METTL16: variants seen among roughly 807,000 people sequenced by gnomAD.
METTL16 encodes methyltransferase 16, RNA N6-adenosine.
A neutral mutation model predicts 57.9 loss-of-function variants in METTL16; 19 were observed. The observed-to-expected ratio is 0.33, with a 90% confidence interval of 0.23 to 0.48. METTL16 has a LOEUF of 0.48. Ranked by LOEUF, METTL16 falls within the 20% of genes least tolerant of loss-of-function variation. The pLI, the probability that METTL16 is intolerant of heterozygous loss-of-function variation, is 0.99. For synonymous variants in METTL16, 246 were observed against 255.6 expected (o/e 0.96, Z 0.36); for missense variants, 434 against 691.5 (o/e 0.63, Z 4.18).
intron 2 of METTL16, among the ~76,000 whole-genome samples, chr17:2,492,851 A>T (rs1386418032): frequency 2.6e-4 from 38 of 144,934 alleles, no homozygotes; most frequent in African/African-American, 9.4e-4. Flanking sequence ...TGAGCCAAGA[A>T]CACGCCACTG....
chr17:2,428,415 T>C (rs1020359979), intron 8 of METTL16, among the ~76,000 whole-genome samples: 3 of 150,208 alleles, frequency 2.0e-5, no homozygotes, highest in Non-Finnish European at 4.4e-5. Flanking sequence ...TCAGTAGAGA[T>C]AGTAAGTGTA....
At chr17:2,429,050 G>C (rs1164434085) in intron 8 of METTL16, among the ~76,000 whole-genome samples, 2 of 151,704 alleles carry the variant, frequency 1.3e-5, no homozygotes, top group African/African-American at 4.8e-5. Flanking sequence ...TAGAGACAGG[G>C]TTTCTCCATG....
In METTL16 at chr17:2,418,536, G is replaced by C. The variant is rs889827992; in HGVS notation, c.*1434C>G. ...ACCCGGGAGGCGGGGGTTGCAGTGAGCTAAGATCGCACCACGGCACTCCAG... is the reference window on the plus strand; with the variant it reads ...ACCCGGGAGGCGGGGGTTGCAGTGACCTAAGATCGCACCACGGCACTCCAG... On this transcript the variant is annotated 3_prime_UTR_variant, in exon 10 of 10. Coordinates refer to ENST00000263092, the MANE Select transcript of METTL16 (RefSeq NM_024086.4). 2.0e-5 allele frequency: 3 copies of C among 152,444 alleles called. No individual in the cohort carries two copies. The highest frequency in any genetic ancestry group is 7.2e-5 in the African/African-American group (3 of 41,470). The allele number at this position is 152,444 out of a possible 1,614,324, so 9.4% of individuals were successfully genotyped here.
At chr17:2,454,627 T>C (rs1237568036) in intron 6 of METTL16, among the ~76,000 whole-genome samples, 2 of 148,420 alleles carry the variant, frequency 1.3e-5, no homozygotes, top group African/African-American at 2.5e-5. Flanking sequence ...TGCAGTGGCA[T>C]GATCTCAGCT....
At chr17:2,433,754 G>A (rs1597441273) in intron 8 of METTL16, among the ~76,000 whole-genome samples, 3 of 152,196 alleles carry the variant, frequency 2.0e-5, no homozygotes, top group South Asian at 2.1e-4. Flanking sequence ...TGGATCCTGC[G>A]CACGATGTTG....
intron 6 of METTL16, among the ~76,000 whole-genome samples, chr17:2,443,029 G>A (rs933026844): frequency 6.6e-6 from 1 of 151,462 alleles, no homozygotes; most frequent in African/African-American, 2.4e-5. Context: ...CCACTCTGTC[G>A]CCCAGGCTGG....
chr17:2,473,460 T>C (rs755314429), intron 4 of METTL16, 64 bp downstream of exon 4: 10 of 1,514,874 alleles, frequency 6.6e-6, no homozygotes, highest in Non-Finnish European at 8.9e-6. Flanking sequence ...GGTAATGAAA[T>C]GCGTTAAACT....
At chr17:2,432,828 C>G (rs1428639083) in intron 8 of METTL16, among the ~76,000 whole-genome samples, 1 of 152,152 alleles carries the variant, frequency 6.6e-6, no homozygotes, top group Non-Finnish European at 1.5e-5. Flanking sequence ...ATACCAGGCA[C>G]TAAGTTAAGT....
At chr17:2,432,198 C>T (rs531445320) in intron 8 of METTL16, among the ~76,000 whole-genome samples, 17 of 152,302 alleles carry the variant, frequency 1.1e-4, no homozygotes, top group African/African-American at 3.8e-4. Context: ...GATCCGCCTG[C>T]CTTGGCCTCC....
chr17:2,453,709 C>A (rs751914078), intron 6 of METTL16, among the ~76,000 whole-genome samples: 1 of 152,126 alleles, frequency 6.6e-6, no homozygotes, highest in Non-Finnish European at 1.5e-5. Flanking sequence ...AATTGTTCCA[C>A]GAATCAATTA....
At chr17:2,478,957 A>G (rs1211880214) in intron 2 of METTL16, among the ~76,000 whole-genome samples, 1 of 152,166 alleles carries the variant, frequency 6.6e-6, no homozygotes, top group Non-Finnish European at 1.5e-5. Context: ...ATTTACATAC[A>G]AGTCTTTGTG....
intron 1 of METTL16, among the ~76,000 whole-genome samples, chr17:2,510,053 G>A (rs2067576527): frequency 6.6e-6 from 1 of 151,896 alleles, no homozygotes; most frequent in Admixed American, 6.6e-5. Flanking sequence ...CTCCAGCCTT[G>A]GTGACAGTGA....
chr17:2,487,029 C>G (rs538299072), intron 2 of METTL16, among the ~76,000 whole-genome samples: 1 of 119,862 alleles, frequency 8.3e-6, no homozygotes, highest in African/African-American at 3.0e-5. Context: ...AAAAAAAAGG[C>G]TATATCTAGA....
chr17:2,500,577 C>G (rs761809702), intron 2 of METTL16, among the ~76,000 whole-genome samples: 1 of 152,054 alleles, frequency 6.6e-6, no homozygotes, highest in Non-Finnish European at 1.5e-5. Flanking sequence ...CCACCGCGCC[C>G]GGCCACTATT....
intron 6 of METTL16, among the ~76,000 whole-genome samples, chr17:2,448,157 C>G (rs1271729288): frequency 5.0e-3 from 721 of 144,786 alleles, no homozygotes; most frequent in African/African-American, 0.018. Context: ...CCGCCCCGTC[C>G]GGGAGGTGAG....
chr17:2,506,334 G>C (rs1361374940), intron 1 of METTL16, among the ~76,000 whole-genome samples: 1 of 144,728 alleles, frequency 6.9e-6, no homozygotes, highest in South Asian at 2.4e-4. Context: ...CTCTGATGCC[G>C]AGCCGAAGCT....
chr17:2,449,736 T>C (rs2067054556), intron 6 of METTL16, among the ~76,000 whole-genome samples: 1 of 152,184 alleles, frequency 6.6e-6, no homozygotes, highest in South Asian at 2.1e-4. Context: ...AAGAGATTTA[T>C]AGAAATGGAA....
chr17:2,502,392 C>G, intron 1 of METTL16, 61 bp from the exon 2 acceptor site: 3 of 1,545,082 alleles, frequency 1.9e-6, no homozygotes, highest in Non-Finnish European at 2.6e-6. Context: ...TAATGGGGGC[C>G]GGGTGCGGTG....
chr17:2,511,507 A>G (rs1269471252), intron 1 of METTL16, among the ~76,000 whole-genome samples: 4 of 151,410 alleles, frequency 2.6e-5, no homozygotes, highest in Non-Finnish European at 5.9e-5. Context: ...TCAGTTTTGG[A>G]TCTCTCTAAA....
Sources: allele counts gnomAD v4.1 joint callset (sites outside exome capture counted in the v4.1 genomes callset), GRCh38; gene constraint gnomAD v4.1.1; transcripts MANE v1.5; gene names NCBI Gene and HGNC (gene_info 2026-07-23, HGNC 2026-07-21).